Variants in CBLB observed in about 807,000 individuals in gnomAD.
CBLB encodes the protein E3 ubiquitin-protein ligase CBL-B.
Under a neutral mutation model 104.9 loss-of-function variants are expected in CBLB, and 31 were observed. That is an observed-to-expected ratio of 0.30 (90% CI 0.22 to 0.40). The LOEUF (loss-of-function observed/expected upper bound fraction) is 0.40, where lower values mean the gene tolerates loss of function less well. CBLB is among the 10% of genes least tolerant of loss of function. The pLI, the probability that CBLB is intolerant of heterozygous loss-of-function variation, is 1.00. For synonymous variants in CBLB, 440 were observed against 422.6 expected (o/e 1.04, Z -0.51); for missense variants, 1,062 against 1,214.6 (o/e 0.87, Z 1.87).
intron 4 of CBLB, among the ~76,000 whole-genome samples, chr3:105,760,691 C>A (rs1428867794): frequency 6.6e-6 from 1 of 151,444 alleles, no homozygotes; most frequent in Non-Finnish European, 1.5e-5. Flanking sequence ...AATTAACAAC[C>A]AATGAGTGAA....
chr3:105,665,893 G>A lies in CBLB; in HGVS notation c.2689+4340C>T, dbSNP rs371294265. On this transcript the variant is annotated intron_variant, in intron 18 of 18. Coordinates refer to ENST00000394030, the MANE Select transcript of CBLB (RefSeq NM_170662.5). The stretch of plus-strand genomic sequence containing the variant: ...AAAATGTAAAAATTAGCTGGGCATG[G>A]TGGTGGGCGCCTGTAGTCCCAGCTA... 2.6e-5 allele frequency among the ~76,000 whole-genome samples: 4 copies of A among 151,602 alleles called. No individual in the cohort carries two copies. The South Asian group carries it at 8.3e-4, about 32-fold the overall frequency.
Position 105,656,296 on chromosome 3 carries a change from T to G in CBLB, c.*2674A>C. ...ATGAAATGCTGACTTAAAAAAAAAT[T>G]GTTACCAAATCTTGAGAAATGGAAG... On this transcript the variant is annotated 3_prime_UTR_variant, in exon 19 of 19. Coordinates refer to ENST00000394030, the MANE Select transcript of CBLB (RefSeq NM_170662.5). 1 of 207,802 alleles carries G rather than the reference T, an allele frequency of 4.8e-6. No individual in the cohort carries two copies. The highest frequency in any genetic ancestry group is 9.8e-6 in the Non-Finnish European group (1 of 102,104). The allele number at this position is 207,802 out of a possible 1,614,324, so 12.9% of individuals were successfully genotyped here. A position where few individuals can be genotyped will look rare whatever the true frequency, so the allele number is the denominator to read the frequency against.
At position 105,743,943 on chromosome 3, in the gene CBLB, A is replaced by G. The variant is rs550027709; in HGVS notation, c.845+1974T>C. On this transcript the variant is annotated intron_variant, in intron 6 of 18. Coordinates refer to ENST00000394030, the MANE Select transcript of CBLB (RefSeq NM_170662.5). ...TTACATGGCAAGTTAGGAAGGAAAG[A>G]AGGATTTTTTTCTCAGAGGACATTA... Among the ~76,000 whole-genome samples, 6 of 152,294 alleles carry G rather than the reference A, an allele frequency of 3.9e-5. No individual in the cohort carries two copies. The East Asian group carries it at 1.2e-3, about 29-fold the overall frequency.
intron 3 of CBLB, among the ~76,000 whole-genome samples, chr3:105,852,196 G>C (rs533264906): frequency 6.6e-6 from 1 of 152,214 alleles, no homozygotes; most frequent in African/African-American, 2.4e-5. Context: ...TATCACAGAT[G>C]ATAGCTCCAT....
At chr3:105,785,023 T>C (rs1005521122) in intron 3 of CBLB, among the ~76,000 whole-genome samples, 5 of 152,186 alleles carry the variant, frequency 3.3e-5, no homozygotes, top group Admixed American at 1.3e-4. Context: ...CCTTCCCATA[T>C]GTGACATGCC....
At chr3:105,844,037 T>C (rs909601774) in intron 3 of CBLB, among the ~76,000 whole-genome samples, 3 of 152,192 alleles carry the variant, frequency 2.0e-5, no homozygotes, top group Non-Finnish European at 4.4e-5. Flanking sequence ...GGGTAGGCTC[T>C]GATCCAAAAT....
intron 10 of CBLB, among the ~76,000 whole-genome samples, chr3:105,714,278 C>T (rs745504939): frequency 2.0e-5 from 3 of 152,040 alleles, no homozygotes; most frequent in East Asian, 1.9e-4. Flanking sequence ...ATTTTTTCCA[C>T]GAACGGTGGC....
intron 16 of CBLB, 79 bp downstream of exon 16, chr3:105,681,400 A>G: frequency 6.8e-7 from 1 of 1,475,072 alleles, no homozygotes; most frequent in Non-Finnish European, 9.5e-7. Flanking sequence ...TCTGTGTTAT[A>G]CTGAACTCTG....
chr3:105,802,252 C>G (rs1017925893), intron 3 of CBLB, among the ~76,000 whole-genome samples: 3 of 152,248 alleles, frequency 2.0e-5, no homozygotes, highest in African/African-American at 7.2e-5. Flanking sequence ...GTTACCTAAA[C>G]AGGCAGACAC....
chr3:105,797,564 C>A (rs1025800694), intron 3 of CBLB, among the ~76,000 whole-genome samples: 12 of 152,104 alleles, frequency 7.9e-5, no homozygotes, highest in African/African-American at 2.2e-4. Context: ...ACCTGTATAA[C>A]AAACCTACAT....
intron 10 of CBLB, among the ~76,000 whole-genome samples, chr3:105,710,553 G>A (rs183355989): frequency 2.5e-4 from 38 of 151,882 alleles, no homozygotes; most frequent in African/African-American, 8.0e-4. Flanking sequence ...TATTACACTT[G>A]TTTCTAAAAC....
At chr3:105,659,873 CG>C (rs1169385311) in intron 18 of CBLB, among the ~76,000 whole-genome samples, 1 of 151,746 alleles carries the variant, frequency 6.6e-6, no homozygotes, top group Non-Finnish European at 1.5e-5. Context: ...ACAGGCTGAA[CG>C]GAAGGAAACT....
At position 105,682,107 on chromosome 3, in the gene CBLB, T is replaced by C. The variant is rs138662075; in HGVS notation, c.2202-289A>G. On this transcript the variant is annotated intron_variant, in intron 14 of 18. Coordinates refer to ENST00000394030, the MANE Select transcript of CBLB (RefSeq NM_170662.5). ...ACACTATGTAAAATTAACTTATCTC[T>C]GTGGAAGAATTCAATAGAACCTGGT... 3.4e-3 allele frequency: 1,108 copies of C among 328,244 alleles called. 14 individuals carry two copies. Among genetic ancestry groups the C allele is most frequent in the African/African-American group, 0.022 (1,037 of 47,194 alleles). 20.3% of individuals were successfully genotyped at this position (328,244 alleles called of 1,614,324 possible).
intron 4 of CBLB, among the ~76,000 whole-genome samples, chr3:105,759,301 G>A (rs1479060330): frequency 6.6e-6 from 1 of 152,142 alleles, no homozygotes; most frequent in Non-Finnish European, 1.5e-5. Flanking sequence ...TCCAAGGGCA[G>A]GCCCAGAAAA....
At chr3:105,843,166 T>C (rs1028338071) in intron 3 of CBLB, among the ~76,000 whole-genome samples, 4 of 152,238 alleles carry the variant, frequency 2.6e-5, no homozygotes, top group Admixed American at 1.3e-4. Context: ...TCTGGCTCTG[T>C]ACAGTTTGCT....
At chr3:105,751,717 T>C (rs2076608371) in intron 4 of CBLB, 99 bp from the exon 5 acceptor site, 2 of 872,780 alleles carry the variant, frequency 2.3e-6, no homozygotes, top group African/African-American at 1.7e-5. Context: ...ATTAATATAA[T>C]TGTATTTGTA....
chr3:105,718,038 T>C (rs922765739), intron 10 of CBLB, among the ~76,000 whole-genome samples: 3 of 152,176 alleles, frequency 2.0e-5, no homozygotes, highest in African/African-American at 7.2e-5. Context: ...ATTACTACTC[T>C]GTAGCAGAAC....
chr3:105,804,690 T>C (rs1344983333), intron 3 of CBLB, among the ~76,000 whole-genome samples: 3 of 152,138 alleles, frequency 2.0e-5, no homozygotes, highest in African/African-American at 7.2e-5. Flanking sequence ...AAATTACCTG[T>C]ACTTACATGA....
chr3:105,810,522 G>A (rs975559668), intron 3 of CBLB, among the ~76,000 whole-genome samples: 8 of 151,972 alleles, frequency 5.3e-5, no homozygotes, highest in East Asian at 1.9e-4. Context: ...AGCATTTAGC[G>A]AAGAAATAGC....
Sources: gnomAD v4.1 joint callset for allele counts (sites outside exome capture counted in the v4.1 genomes callset) on GRCh38, gnomAD v4.1.1 for gene constraint, MANE v1.5 for transcripts, NCBI Gene and HGNC (gene_info 2026-07-23, HGNC 2026-07-21) for gene names.